The following RIC3 variants were observed in gnomAD, a reference collection of about 807,000 sequenced individuals.
RIC3 encodes the protein RIC3 acetylcholine receptor chaperone, also known as protein RIC-3.
A neutral mutation model predicts 27.3 loss-of-function variants in RIC3; 28 were observed. That is an observed-to-expected ratio of 1.02 (90% CI 0.76 to 1.41). The LOEUF (loss-of-function observed/expected upper bound fraction) is 1.41. RIC3 is among the 40% of genes most tolerant of loss of function. The probability of loss-of-function intolerance (pLI) is 0.00; values close to 1 mark genes in which losing one functional copy is unlikely to be tolerated. For synonymous variants in RIC3, 184 were observed against 160.4 expected, an observed-to-expected ratio of 1.15 and a Z score of -1.11; for missense variants, 501 against 444.7, an observed-to-expected ratio of 1.13 and a Z score of -1.14.
rs76651646 is a variant in RIC3 at position 8,155,914 on chromosome 11, G to A, written c.124+12952C>T. On this transcript the variant is annotated intron_variant, in intron 1 of 5. Coordinates refer to ENST00000309737, the MANE Select transcript of RIC3 (RefSeq NM_001206671.4). ...ACTTGAAGTAGAAGCCAAGACAATA[G>A]CTGTTTCTTCCTCACCGGTCTCCTC... Among the ~76,000 whole-genome samples, 1,102 of 152,274 alleles carry A rather than the reference G, an allele frequency of 7.2e-3. 11 individuals are homozygous for A. The highest frequency in any genetic ancestry group is 0.025 in the African/African-American group (1,052 of 41,554).
intron 5 of RIC3, among the ~76,000 whole-genome samples, chr11:8,113,552 G>A (rs1590070679): frequency 6.6e-6 from 1 of 152,092 alleles, no homozygotes; most frequent in Admixed American, 6.6e-5. Context: ...GCACCCCAAT[G>A]GCACCCAAAT....
rs1161689999 is a variant in RIC3 at position 8,139,959 on chromosome 11, C to T, written c.351+8G>A. The T allele has an allele frequency of 1.9e-6, 3 of 1,607,864 alleles. No homozygotes were observed. In the South Asian group the frequency reaches 3.3e-5, roughly 18 times the overall value. On this transcript the variant is annotated splice_region_variant and intron_variant, in intron 2 of 5. Transcript: ENST00000309737. Reference sequence around the variant, plus strand: ...TTGATGTAATATGATTAGGATGATTCTACTTACCTTAAATAGAATGTACAG... The same window carrying T: ...TTGATGTAATATGATTAGGATGATTTTACTTACCTTAAATAGAATGTACAG...
chr11:8,155,573 C>CA (rs1042820927), intron 1 of RIC3, among the ~76,000 whole-genome samples: 25 of 149,428 alleles, frequency 1.7e-4, no homozygotes, highest in East Asian at 1.2e-3. Context: ...GACTCCGTTT[C>CA]AAAAAAAAAG....
At chr11:8,158,250 A>G (rs1297887974) in intron 1 of RIC3, among the ~76,000 whole-genome samples, 1 of 152,178 alleles carries the variant, frequency 6.6e-6, no homozygotes, top group East Asian at 1.9e-4. Context: ...CAACTTACTT[A>G]GGGAGAACAT....
intron 1 of RIC3, among the ~76,000 whole-genome samples, chr11:8,154,860 T>C (rs1436359772): frequency 1.3e-5 from 2 of 152,144 alleles, no homozygotes; most frequent in Non-Finnish European, 2.9e-5. Flanking sequence ...TATGTGACTA[T>C]CTCTATAGGT....
chr11:8,122,864 CAAAA>C (rs55826618), intron 5 of RIC3, among the ~76,000 whole-genome samples: 5 of 63,508 alleles, frequency 7.9e-5, no homozygotes, highest in Admixed American at 6.0e-4. Flanking sequence ...ACCAGGTATG[CAAAA>C]AAAAAAAAAA....
Position 8,106,414 on chromosome 11 carries a change from G to C in RIC3, c.*4284C>G, listed in dbSNP as rs936819105. On this transcript the variant is annotated 3_prime_UTR_variant, in exon 6 of 6. Coordinates refer to ENST00000309737, the MANE Select transcript of RIC3 (RefSeq NM_001206671.4). The stretch of plus-strand genomic sequence containing the variant: ...GTGGGTCAACACTGTCCTTCCTCTG[G>C]CCTGTGCCTTTCAAGTTTAAGGTTC... The C allele has an allele frequency of 6.6e-6, 1 of 152,168 alleles. No individual in the cohort carries two copies. The highest frequency in any genetic ancestry group is 1.9e-4 in the East Asian group (1 of 5,190). The allele number at this position is 152,168 out of a possible 1,614,324, so 9.4% of individuals were successfully genotyped here.
chr11:8,118,602 T>G (rs911642921), intron 5 of RIC3, among the ~76,000 whole-genome samples: 1 of 147,344 alleles, frequency 6.8e-6, no homozygotes, highest in Non-Finnish European at 1.5e-5. Context: ...GCGCAGTGGC[T>G]CACGCCTGTA....
intron 5 of RIC3, among the ~76,000 whole-genome samples, chr11:8,123,881 G>T (rs921558444): frequency 4.7e-5 from 7 of 150,468 alleles, no homozygotes; most frequent in African/African-American, 1.7e-4. Context: ...GCACCACCAC[G>T]CCTGGCTAAT....
chr11:8,094,028 G>C, the RIC3 span: 8 of 1,614,102 alleles, frequency 5.0e-6, no homozygotes, highest in Admixed American at 1.7e-5. Flanking sequence ...TCTCCATCTG[G>C]GGATGTTTCC....
chr11:8,158,026 G>C (rs1186355260), intron 1 of RIC3, among the ~76,000 whole-genome samples: 1 of 149,550 alleles, frequency 6.7e-6, no homozygotes, highest in Non-Finnish European at 1.5e-5. Flanking sequence ...GCTTCATTAG[G>C]GAAAATAAAT....
At chr11:8,116,802 A>G (rs1945901534) in intron 5 of RIC3, among the ~76,000 whole-genome samples, 1 of 152,236 alleles carries the variant, frequency 6.6e-6, no homozygotes, top group South Asian at 2.1e-4. Flanking sequence ...CTTATATACT[A>G]TTGCTGGGAA....
chr11:8,151,451 T>G (rs899819574), intron 1 of RIC3, among the ~76,000 whole-genome samples: 2 of 148,726 alleles, frequency 1.3e-5, no homozygotes, highest in African/African-American at 5.0e-5. Context: ...CCGGGCATGG[T>G]GGCGCGTGCC....
chr11:8,131,419 T>G (rs78129703), intron 4 of RIC3, among the ~76,000 whole-genome samples: 1 of 152,070 alleles, frequency 6.6e-6, no homozygotes, highest in African/African-American at 2.4e-5. Context: ...ATAGGTTCAG[T>G]TGGGGGATAG....
At chr11:8,150,824 T>G (rs913884512) in intron 1 of RIC3, among the ~76,000 whole-genome samples, 1 of 152,222 alleles carries the variant, frequency 6.6e-6, no homozygotes, top group African/African-American at 2.4e-5. Context: ...AAATCCTGAC[T>G]GTCCACCTGT....
chr11:8,135,306 T>A (rs1948257577), intron 4 of RIC3, among the ~76,000 whole-genome samples: 1 of 152,222 alleles, frequency 6.6e-6, no homozygotes, highest in Non-Finnish European at 1.5e-5. Flanking sequence ...TGTGTGATAT[T>A]ACTTCTGAGG....
intron 1 of RIC3, among the ~76,000 whole-genome samples, chr11:8,160,318 T>G (rs562294834): frequency 3.3e-5 from 5 of 152,356 alleles, no homozygotes; most frequent in Admixed American, 3.3e-4. Context: ...CAGGATGATA[T>G]GGATTCATTT....
At chr11:8,098,822 T>C in the RIC3 span, 1 of 1,614,158 alleles carries the variant, frequency 6.2e-7, no homozygotes, top group Non-Finnish European at 8.5e-7. Context: ...GAAGGCCTCA[T>C]CCTCCACTTT....
intron 5 of RIC3, among the ~76,000 whole-genome samples, chr11:8,115,532 G>T (rs1945749098): frequency 6.6e-6 from 1 of 152,106 alleles, no homozygotes; most frequent in South Asian, 2.1e-4. Flanking sequence ...TATAGGCTAG[G>T]TGCGGTGGCT....
Sources: allele counts gnomAD v4.1 joint callset (sites outside exome capture counted in the v4.1 genomes callset), GRCh38; gene constraint gnomAD v4.1.1; transcripts MANE v1.5; gene names NCBI Gene and HGNC (gene_info 2026-07-23, HGNC 2026-07-21).